CARD8: variants seen among roughly 807,000 people sequenced by gnomAD.
CARD8 encodes caspase recruitment domain-containing protein 8.
In CARD8, 38 loss-of-function variants were observed where a neutral mutation model predicts 53.2. The observed-to-expected ratio is 0.71, with a 90% CI of 0.55 to 0.94. The LOEUF (loss-of-function observed/expected upper bound fraction) is 0.94, where lower values mean the gene tolerates loss of function less well. Ranked by LOEUF, CARD8 falls within the 40% of genes least tolerant of loss-of-function variation. CARD8 has a pLI of 0.00. For synonymous variants in CARD8, 245 were observed against 244.9 expected (o/e 1.00, Z 0.00); for missense variants, 561 against 655.5 (o/e 0.86, Z 1.57).
chr19:48,216,413 G>A (rs2039309946), intron 12 of CARD8, among the ~76,000 whole-genome samples: 1 of 152,192 alleles, frequency 6.6e-6, no homozygotes, highest in African/African-American at 2.4e-5. Flanking sequence ...GACAATCTGA[G>A]ATGCTAAGAC....
chr19:48,240,943 A>G lies in CARD8; in HGVS notation c.59+19T>C, dbSNP rs1371003626. On this transcript the variant is annotated intron_variant, in intron 4 of 13. Coordinates refer to ENST00000651546, the MANE Select transcript of CARD8 (RefSeq NM_001184900.3). ...AGAATCAGCCATCAGGAGCCCTCAC[A>G]GAGCGCAAAGTCACTCACCGTCTCG... is the stretch of plus-strand genomic sequence containing the variant. 6.5e-7 allele frequency: 1 copy of G among 1,529,882 alleles called. No individual in the cohort carries two copies. 94.8% of individuals were successfully genotyped at this position (1,529,882 alleles called of 1,614,324 possible).
At position 48,210,132 on chromosome 19, in the gene CARD8, C is replaced by T. The variant is rs1364681999; in HGVS notation, c.*1578G>A. 2.0e-5 allele frequency: 3 copies of T among 152,052 alleles called. No individual in the cohort carries two copies. The highest frequency in any genetic ancestry group is 2.9e-5 in the Non-Finnish European group (2 of 67,998). The allele number at this position is 152,052 out of a possible 1,614,324, so 9.4% of individuals were successfully genotyped here. A position where few individuals can be genotyped will look rare whatever the true frequency, so the allele number is the denominator to read the frequency against. ...TGAAATCTGACAGAAAAATGACACACTACATACAGGGAAACAACAATTTGA... is the reference window on the plus strand; with the variant it reads ...TGAAATCTGACAGAAAAATGACACATTACATACAGGGAAACAACAATTTGA... On this transcript the variant is annotated 3_prime_UTR_variant, in exon 14 of 14. Coordinates refer to ENST00000651546, the MANE Select transcript of CARD8 (RefSeq NM_001184900.3).
chr19:48,247,026 T>G (rs1414950047), intron 3 of CARD8, among the ~76,000 whole-genome samples: 2 of 152,190 alleles, frequency 1.3e-5, no homozygotes, highest in African/African-American at 4.8e-5. Flanking sequence ...GTGGCACTCT[T>G]CATAAATACA....
chr19:48,232,025 A>G (rs1219640982), intron 7 of CARD8: 5 of 651,674 alleles, frequency 7.7e-6, no homozygotes, highest in Non-Finnish European at 2.8e-6. Context: ...ACCAAATTCC[A>G]TAAGACTTTC....
At chr19:48,207,020 T>C (rs567768914), downstream of CARD8, among the ~76,000 whole-genome samples, 3 of 151,946 alleles carry the variant, frequency 2.0e-5, no homozygotes, top group South Asian at 2.1e-4. Flanking sequence ...ATACAAAAAT[T>C]AGCTGGGCGT....
chr19:48,218,636 G>A (rs139502931), intron 12 of CARD8, among the ~76,000 whole-genome samples: 1 of 152,218 alleles, frequency 6.6e-6, no homozygotes, highest in East Asian at 1.9e-4. Context: ...TTACAGGCAT[G>A]AGGCACCGTA....
chr19:48,244,745 A>G (rs77471797), intron 3 of CARD8, among the ~76,000 whole-genome samples: 7,644 of 152,224 alleles, frequency 0.05, 630 homozygotes, highest in African/African-American at 0.17. Flanking sequence ...AAAAGATATT[A>G]CCAGAGCATT....
rs192355416 is a variant in CARD8, at chr19:48,232,571, T to C, written c.351-78A>G. On this transcript the variant is annotated intron_variant, in intron 6 of 13. Coordinates refer to ENST00000651546, the MANE Select transcript of CARD8 (RefSeq NM_001184900.3). ...TTGATGAAGATGAAGACGATGTTAT[T>C]GAAAACTAGAGCTGCACTGTCCCGT... The C allele has an allele frequency of 4.0e-6, 5 of 1,257,030 alleles. No individual in the cohort carries two copies. The East Asian group carries it at 7.6e-5, about 19-fold the overall frequency. The allele number at this position is 1,257,030 out of a possible 1,614,324, so 77.9% of individuals were successfully genotyped here.
chr19:48,253,076 TAAAAC>T (rs2047141909), intron 1 of CARD8, among the ~76,000 whole-genome samples: 1 of 152,228 alleles, frequency 6.6e-6, no homozygotes, highest in African/African-American at 2.4e-5. Context: ...TCTAAACAGA[TAAAAC>T]ATAATAGCAC....
At chr19:48,217,322 C>T (rs1451790897) in intron 12 of CARD8, among the ~76,000 whole-genome samples, 6 of 152,294 alleles carry the variant, frequency 3.9e-5, no homozygotes, top group African/African-American at 1.2e-4. Flanking sequence ...TACTAAAATA[C>T]AACAGCAGCA....
intron 12 of CARD8, among the ~76,000 whole-genome samples, chr19:48,216,165 C>T (rs1402919626): frequency 1.3e-5 from 2 of 149,908 alleles, no homozygotes; most frequent in African/African-American, 2.4e-5. Context: ...GATTGTGACA[C>T]CTGGAAAAAA....
Position 48,211,872 on chromosome 19 carries a change from A to T in CARD8, c.1452T>A (p.Asn484Lys). Reference sequence around the variant, plus strand: ...TTTCCTGCTCCACCAGCTCCTTCTCATTCTCAGTAAGAACCTCATTGTCTT... The same window carrying T: ...TTTCCTGCTCCACCAGCTCCTTCTCTTTCTCAGTAAGAACCTCATTGTCTT... ...DLQDNEVLTE[N>K]EKELVEQEKT... The change falls in exon 14 of 14, where the codon AAT becomes AAA. Residue 484 changes from asparagine to lysine, a missense_variant. Asn to Lys is a moderately conservative substitution (Grantham distance 94, BLOSUM62 0). Transcript: ENST00000651546. The T allele has an allele frequency of 1.2e-6, 2 of 1,613,960 alleles. No individual in the cohort carries two copies. The highest frequency in any genetic ancestry group is 1.7e-6 in the Non-Finnish European group (2 of 1,179,982).
chr19:48,228,282 T>G (rs1466161842), intron 10 of CARD8, among the ~76,000 whole-genome samples: 1 of 152,242 alleles, frequency 6.6e-6, no homozygotes, highest in Admixed American at 6.5e-5. Flanking sequence ...CGAAATAAAG[T>G]GCACAATAAC....
chr19:48,218,526 G>T (rs969700896), intron 12 of CARD8, among the ~76,000 whole-genome samples: 9 of 151,966 alleles, frequency 5.9e-5, no homozygotes. Context: ...GGCTAATTTT[G>T]TATGTTTAGT....
At position 48,209,469 on chromosome 19, in the gene CARD8, G is replaced by A. The variant is rs773208137; in HGVS notation, c.*2241C>T. 6.6e-6 allele frequency: 1 copy of A among 151,994 alleles called. No individual in the cohort carries two copies. The highest frequency in any genetic ancestry group is 1.5e-5 in the Non-Finnish European group (1 of 67,996). 9.4% of individuals were successfully genotyped at this position (151,994 alleles called of 1,614,324 possible). A position where few individuals can be genotyped will look rare whatever the true frequency, so the allele number is the denominator to read the frequency against. On this transcript the variant is annotated 3_prime_UTR_variant, in exon 14 of 14. Coordinates refer to ENST00000651546, the MANE Select transcript of CARD8 (RefSeq NM_001184900.3). ...CAGTGGGACGACACAGATAACAACA[G>A]GTGAACACTCCAGCAAATTTGAAAA...
rs1010575770 is a variant in CARD8 at position 48,208,513 on chromosome 19, CATAAG to C, written c.*3192_*3196del. On this transcript the variant is annotated 3_prime_UTR_variant, in exon 14 of 14. Transcript: ENST00000651546. Reference sequence around the variant, plus strand: ...GTTGGATACAAATAAAACAGAGTCTCATAAGATAACATTCACATTTCGAGGGTACA... The same window carrying C: ...GTTGGATACAAATAAAACAGAGTCTCATAACATTCACATTTCGAGGGTACA... 6 of 152,098 alleles carry C rather than the reference CATAAG, an allele frequency of 3.9e-5. No individual in the cohort carries two copies. Among genetic ancestry groups the C allele is most frequent in the African/African-American group, 1.2e-4 (5 of 41,406 alleles). The allele number at this position is 152,098 out of a possible 1,614,324, so 9.4% of individuals were successfully genotyped here.
intron 11 of CARD8, among the ~76,000 whole-genome samples, chr19:48,220,982 G>A (rs2040442566): frequency 1.0e-5 from 1 of 96,956 alleles, no homozygotes; most frequent in Non-Finnish European, 2.2e-5. Flanking sequence ...AGGAAGGAAG[G>A]AAGGAAGGAA....
At chr19:48,217,183 G>A (rs1024236845) in intron 12 of CARD8, among the ~76,000 whole-genome samples, 2 of 152,096 alleles carry the variant, frequency 1.3e-5, no homozygotes, top group Non-Finnish European at 2.9e-5. Context: ...AGCTTCGCCT[G>A]CTCACCGTCC....
At chr19:48,250,872 C>A (rs10413553) in intron 1 of CARD8, among the ~76,000 whole-genome samples, 28,472 of 152,124 alleles carry the variant, frequency 0.19, 2,794 homozygotes, top group East Asian at 0.33. Context: ...ACAAGTAACA[C>A]ATACAAAGTT....
Sources: gnomAD v4.1 joint callset for allele counts (sites outside exome capture counted in the v4.1 genomes callset) on GRCh38, gnomAD v4.1.1 for gene constraint, MANE v1.5 for transcripts, NCBI Gene and HGNC (gene_info 2026-07-23, HGNC 2026-07-21) for gene names.